UNC79: variants seen among roughly 807,000 people sequenced by gnomAD.
The protein encoded by UNC79 is unc-79 subunit of NALCN channel complex.
In UNC79, 37 loss-of-function variants were observed where a neutral mutation model predicts 283.1. The observed-to-expected ratio is 0.13, with a 90% CI of 0.10 to 0.17. UNC79 has a LOEUF of 0.17. UNC79 is among the 10% of genes least tolerant of loss of function. The pLI, the probability that UNC79 is intolerant of heterozygous loss-of-function variation, is 1.00. For synonymous variants in UNC79, 1,107 were observed against 1,200.2 expected (o/e 0.92, Z 1.61); for missense variants, 2,272 against 3,211.1 (o/e 0.71, Z 7.07).
At position 93,510,222 on chromosome 14, in the gene UNC79, G is replaced by C. The variant is rs115918905; in HGVS notation, c.898+12936G>C. On this transcript the variant is annotated intron_variant, in intron 7 of 48. Coordinates refer to ENST00000555664, the Ensembl canonical transcript of UNC79. Reference sequence around the variant, plus strand: ...CCCATGAAACCATTCTTCCCTCCTAGGCCTTGGGGCCTGCCGTGTGAGGTG... The same window carrying C: ...CCCATGAAACCATTCTTCCCTCCTACGCCTTGGGGCCTGCCGTGTGAGGTG... Among the ~76,000 whole-genome samples, 649 of 152,304 alleles carry C rather than the reference G, an allele frequency of 4.3e-3. 7 individuals carry two copies. Among genetic ancestry groups the C allele is most frequent in the African/African-American group, 0.015 (617 of 41,566 alleles).
intron 15 of UNC79, 77 bp downstream of exon 15, chr14:93,572,161 C>A: frequency 1.4e-6 from 2 of 1,465,236 alleles, no homozygotes; most frequent in South Asian, 1.4e-5. Context: ...GTATGCCGGT[C>A]ACCCTACTAA....
chr14:93,499,693 A>T (rs1488956199), intron 7 of UNC79, among the ~76,000 whole-genome samples: 2 of 152,152 alleles, frequency 1.3e-5, no homozygotes, highest in Non-Finnish European at 2.9e-5. Flanking sequence ...ACTGCCTTAC[A>T]GGGTAATAAG....
intron 30 of UNC79, among the ~76,000 whole-genome samples, chr14:93,623,897 AT>A (rs2067336486): frequency 6.6e-6 from 1 of 152,206 alleles, no homozygotes; most frequent in Non-Finnish European, 1.5e-5. Flanking sequence ...GTCTAAAAAA[AT>A]AAAATAAAAT....
chr14:93,458,228 C>G (rs2056848805), intron 1 of UNC79, among the ~76,000 whole-genome samples: 2 of 152,190 alleles, frequency 1.3e-5, no homozygotes, highest in South Asian at 4.1e-4. Flanking sequence ...GGAATTAGGA[C>G]ATATACTATC....
intron 7 of UNC79, among the ~76,000 whole-genome samples, chr14:93,513,185 C>CCCTCCCTTCCTT (rs2059906831): frequency 2.3e-5 from 3 of 127,884 alleles, no homozygotes; most frequent in Middle Eastern, 4.1e-3. Flanking sequence ...CTCCCTCCCT[C>CCCTCCCTTCCTT]CCTCCCTTCC....
At chr14:93,496,536 G>C (rs552448368) in intron 6 of UNC79, 70 bp downstream of exon 6, 1 of 1,102,002 alleles carries the variant, frequency 9.1e-7, no homozygotes, top group Non-Finnish European at 1.2e-6. Flanking sequence ...AACTGTTTAC[G>C]TATTAAAACT....
At chr14:93,415,105 C>G (rs2055424454) in intron 1 of UNC79, among the ~76,000 whole-genome samples, 1 of 152,188 alleles carries the variant, frequency 6.6e-6, no homozygotes, top group South Asian at 2.1e-4. Context: ...TGCCAGTTTT[C>G]AAAGGGAATG....
At chr14:93,512,733 A>G (rs1288136137) in intron 7 of UNC79, among the ~76,000 whole-genome samples, 2 of 151,984 alleles carry the variant, frequency 1.3e-5, no homozygotes, top group African/African-American at 2.4e-5. Flanking sequence ...TCTTTTAGCT[A>G]TTTTTTACAG....
In UNC79 at chr14:93,653,936, C is replaced by A. The variant is rs7160955; in HGVS notation, c.6197-4C>A. 0.033 allele frequency: 53,014 copies of A among 1,614,090 alleles called. 1,208 individuals are homozygous for A. The highest frequency in any genetic ancestry group is 0.085 in the South Asian group (7,700 of 91,084). On this transcript the variant is annotated splice_region_variant and splice_polypyrimidine_tract_variant and intron_variant, in intron 36 of 48. Coordinates refer to ENST00000555664, the Ensembl canonical transcript of UNC79. ...AACACTAAATCCGATCGTTGACTTT[C>A]CAGATGGGACTTTTTTACGGACCTT... is the stretch of plus-strand genomic sequence containing the variant.
rs183675447 is a variant in UNC79 at position 93,346,869 on chromosome 14, G to C, written c.-351+13346G>C. 2.6e-5 allele frequency among the ~76,000 whole-genome samples: 4 copies of C among 152,214 alleles called. No homozygotes were observed. In the East Asian group the frequency reaches 5.8e-4, roughly 22 times the overall value. ...GTTTAGGAGAGGATAGGACACGTGG[G>C]TGGAAAGTGAGGTGAATGAGGGCTG... is the stretch of plus-strand genomic sequence containing the variant. On this transcript the variant is annotated intron_variant, in intron 1 of 49. Coordinates refer to the UNC79 transcript ENST00000256339.
At chr14:93,422,539 A>G (rs956893194) in intron 1 of UNC79, among the ~76,000 whole-genome samples, 6 of 152,286 alleles carry the variant, frequency 3.9e-5, no homozygotes, top group Admixed American at 6.5e-5. Context: ...GTTCTGAACC[A>G]GTTTTTCAGG....
At chr14:93,371,839 C>CAA (rs34540610) in intron 1 of UNC79, among the ~76,000 whole-genome samples, 1 of 140,732 alleles carries the variant, frequency 7.1e-6, no homozygotes. Context: ...GACTCCGTCT[C>CAA]AAAAAAAAAA....
chr14:93,706,650 C>T (rs1283145365), intron 48 of UNC79, 54 bp from the exon 52 acceptor site: 1 of 1,605,798 alleles, frequency 6.2e-7, no homozygotes, highest in African/African-American at 1.3e-5. Context: ...GTCGACACTC[C>T]CTGGGTTGCC....
At chr14:93,523,725 C>T (rs147576796) in intron 7 of UNC79, among the ~76,000 whole-genome samples, 300 of 152,224 alleles carry the variant, frequency 2.0e-3, no homozygotes, top group East Asian at 5.2e-3. Flanking sequence ...CCTTTGAAAA[C>T]TTATTAATGG....
intron 14 of UNC79, among the ~76,000 whole-genome samples, chr14:93,550,514 CAAAAAAA>C (rs1205210121): frequency 5.2e-5 from 1 of 19,196 alleles, no homozygotes; most frequent in African/African-American, 1.3e-4. Context: ...GACTCCGTAT[CAAAAAAA>C]AAAAAAAAAA....
At position 93,570,269 on chromosome 14, in the gene UNC79, AT is replaced by A. The variant is rs2063139190; in HGVS notation, c.1756-1623del. Among the ~76,000 whole-genome samples the A allele has an allele frequency of 2.0e-5, 3 of 152,264 alleles. No individual in the cohort carries two copies. The South Asian group carries it at 6.2e-4, about 32-fold the overall frequency. On this transcript the variant is annotated intron_variant, in intron 14 of 48. Transcript: ENST00000555664. The stretch of plus-strand genomic sequence containing the variant: ...GTGACATCAACAATAGCATTCACGG[AT>A]TGGCCTGCCCATCCAACTGCCCTAT...
intron 14 of UNC79, among the ~76,000 whole-genome samples, chr14:93,557,072 G>A (rs1190262571): frequency 6.6e-6 from 1 of 152,158 alleles, no homozygotes; most frequent in Non-Finnish European, 1.5e-5. Flanking sequence ...TTACAGAGAA[G>A]GACATCCTTA....
rs370100711 is a variant in UNC79 at position 93,686,565 on chromosome 14, G to A, written c.6820-7G>A. 2.5e-5 allele frequency: 41 copies of A among 1,613,938 alleles called. No individual in the cohort carries two copies. Among genetic ancestry groups the A allele is most frequent in the Middle Eastern group, 1.6e-4 (1 of 6,084 alleles). On this transcript the variant is annotated splice_polypyrimidine_tract_variant and splice_region_variant and intron_variant, in intron 42 of 48. Coordinates refer to ENST00000555664, the Ensembl canonical transcript of UNC79. The stretch of plus-strand genomic sequence containing the variant: ...AGGTGTGACCCAGCTGTGTCCTTGT[G>A]TTTCAGTGTGGGACTGCAGCGATGG...
intron 1 of UNC79, among the ~76,000 whole-genome samples, chr14:93,412,081 T>G (rs1185847692): frequency 6.6e-6 from 1 of 152,142 alleles, no homozygotes; most frequent in Non-Finnish European, 1.5e-5. Flanking sequence ...TCAGATAAAT[T>G]TAGCAAAAAT....
Sources: gnomAD v4.1 joint callset for allele counts (sites outside exome capture counted in the v4.1 genomes callset) on GRCh38, gnomAD v4.1.1 for gene constraint, MANE v1.5 for transcripts, NCBI Gene and HGNC (gene_info 2026-07-23, HGNC 2026-07-21) for gene names.